The following PICALM variants were observed in gnomAD, a reference collection of about 807,000 sequenced individuals.
The protein encoded by PICALM is phosphatidylinositol-binding clathrin assembly protein.
PICALM carries 40 observed loss-of-function variants against 80.5 expected under a neutral mutation model. That is an observed-to-expected ratio of 0.50 (90% confidence interval 0.39 to 0.65). The LOEUF (loss-of-function observed/expected upper bound fraction) is 0.65, where lower values mean the gene tolerates loss of function less well. Ranked by LOEUF, PICALM falls within the 30% of genes least tolerant of loss-of-function variation. PICALM has a pLI of 0.00. For missense variants in PICALM, 676 were observed against 778.9 expected, an observed-to-expected ratio of 0.87 and a Z score of 1.57; for synonymous variants, 288 against 260.3, an observed-to-expected ratio of 1.11 and a Z score of -1.02.
intron 1 of PICALM, among the ~76,000 whole-genome samples, chr11:86,058,747 T>C (rs1254091630): frequency 2.0e-5 from 3 of 152,208 alleles, no homozygotes; most frequent in African/African-American, 7.2e-5. Context: ...TATCCCTTCT[T>C]ATATCAAAAA....
At chr11:86,045,829 T>C (rs901568228) in intron 1 of PICALM, among the ~76,000 whole-genome samples, 1 of 152,148 alleles carries the variant, frequency 6.6e-6, no homozygotes, top group African/African-American at 2.4e-5. Context: ...TTTAATCATC[T>C]TTCTCCCATC....
chr11:86,028,789 T>TAAA (rs2095695683), intron 2 of PICALM, among the ~76,000 whole-genome samples: 1 of 152,100 alleles, frequency 6.6e-6, no homozygotes, highest in Admixed American at 6.6e-5. Context: ...CTGAATCAGG[T>TAAA]AATTCTTTGT....
At chr11:86,000,099 T>G (rs539514863) in intron 11 of PICALM, among the ~76,000 whole-genome samples, 1 of 152,370 alleles carries the variant, frequency 6.6e-6, no homozygotes, top group East Asian at 1.9e-4. Context: ...ATTGTTTTAC[T>G]TTACCTGGCA....
intron 1 of PICALM, among the ~76,000 whole-genome samples, chr11:86,048,028 G>A (rs1421656378): frequency 6.6e-6 from 1 of 152,020 alleles, no homozygotes; most frequent in Non-Finnish European, 1.5e-5. Flanking sequence ...CTGAACTCGG[G>A]AGGCAGAGGC....
At chr11:86,061,807 T>A (rs547105349) in intron 1 of PICALM, among the ~76,000 whole-genome samples, 2 of 152,200 alleles carry the variant, frequency 1.3e-5, no homozygotes, top group Non-Finnish European at 2.9e-5. Flanking sequence ...ACACAGATGT[T>A]TGATGTTTAT....
intron 7 of PICALM, among the ~76,000 whole-genome samples, chr11:86,010,771 C>A (rs1446131463): frequency 6.6e-6 from 1 of 152,156 alleles, no homozygotes; most frequent in East Asian, 1.9e-4. Flanking sequence ...CTGTATGTCA[C>A]CTACTTAATT....
intron 19 of PICALM, among the ~76,000 whole-genome samples, chr11:85,973,851 T>G (rs1179813679): frequency 6.6e-6 from 1 of 152,152 alleles, no homozygotes; most frequent in Non-Finnish European, 1.5e-5. Flanking sequence ...AGCAACCATT[T>G]AAGAAAAGGA....
At chr11:86,024,786 T>A (rs2095623919) in intron 3 of PICALM, among the ~76,000 whole-genome samples, 1 of 152,216 alleles carries the variant, frequency 6.6e-6, no homozygotes, top group Non-Finnish European at 1.5e-5. Flanking sequence ...CATATCCATG[T>A]GAATGACTTT....
intron 5 of PICALM, among the ~76,000 whole-genome samples, chr11:86,013,554 T>A (rs558217401): frequency 6.6e-6 from 1 of 152,214 alleles, no homozygotes; most frequent in African/African-American, 2.4e-5. Context: ...AGTGTAGCAC[T>A]GTTTAGGATA....
chr11:86,025,870 G>A (rs1030258476), intron 3 of PICALM, among the ~76,000 whole-genome samples: 5 of 152,134 alleles, frequency 3.3e-5, no homozygotes, highest in African/African-American at 4.8e-5. Context: ...TACATAGCAT[G>A]TCTTGTGTGC....
At position 85,981,903 on chromosome 11, in the gene PICALM, G is replaced by A. The variant is rs757406609; in HGVS notation, c.1617C>T (p.Asp539=). The A allele has an allele frequency of 6.2e-7, 1 of 1,613,544 alleles. No homozygotes were observed. The highest frequency in any genetic ancestry group is 8.5e-7 in the Non-Finnish European group (1 of 1,179,432). ...CAAGGTTGGCTAAAGATGAATCCAA[G>A]TCATCAGATACTAACTTGCTAGGTG... is the stretch of plus-strand genomic sequence containing the variant. ...KLPPSKLVSD[D]LDSSLANLVG... is the part of the protein sequence containing the mutation. Residue 539 remains aspartate (D), a synonymous_variant, in exon 15 of 20, where the codon GAC becomes GAT. Transcript: ENST00000393346.
intron 8 of PICALM, among the ~76,000 whole-genome samples, chr11:86,006,229 A>C (rs2095273933): frequency 6.6e-6 from 1 of 152,242 alleles, no homozygotes; most frequent in Admixed American, 6.5e-5. Flanking sequence ...CATATACAGG[A>C]TTCTTTACTT....
At chr11:85,999,192 CTG>C (rs1248281919) in intron 11 of PICALM, among the ~76,000 whole-genome samples, 3 of 152,124 alleles carry the variant, frequency 2.0e-5, no homozygotes, top group Non-Finnish European at 4.4e-5. Context: ...TTCCTTCTAA[CTG>C]TATTTTTATA....
At chr11:86,008,811 C>T (rs911214014) in intron 7 of PICALM, among the ~76,000 whole-genome samples, 4 of 151,760 alleles carry the variant, frequency 2.6e-5, no homozygotes, top group Non-Finnish European at 5.9e-5. Flanking sequence ...GGGACTCTGG[C>T]CGGGCGCGGT....
At chr11:86,047,883 T>C (rs934794290) in intron 1 of PICALM, among the ~76,000 whole-genome samples, 1 of 151,894 alleles carries the variant, frequency 6.6e-6, no homozygotes, top group Non-Finnish European at 1.5e-5. Context: ...GCAGATCACC[T>C]GAGGTCAGGA....
chr11:86,023,681 T>C (rs762916517), intron 3 of PICALM: 85 of 456,930 alleles, frequency 1.9e-4, no homozygotes, highest in Non-Finnish European at 2.2e-4. Context: ...AGAGCACTGC[T>C]CTGCATCTTG....
intron 1 of PICALM, among the ~76,000 whole-genome samples, chr11:86,033,076 T>C (rs1235314275): frequency 6.6e-6 from 1 of 152,102 alleles, no homozygotes; most frequent in Admixed American, 6.6e-5. Flanking sequence ...AAACAGTAAA[T>C]CCAACTTGGA....
intron 3 of PICALM, among the ~76,000 whole-genome samples, chr11:86,024,417 TAA>T (rs780499259): frequency 3.0e-5 from 4 of 133,070 alleles, no homozygotes; most frequent in Non-Finnish European, 4.8e-5. Context: ...CCAGTCACAT[TAA>T]AAAAAAAAAA....
At chr11:86,032,477 T>A (rs1202191413) in intron 1 of PICALM, among the ~76,000 whole-genome samples, 1 of 151,918 alleles carries the variant, frequency 6.6e-6, no homozygotes, top group Non-Finnish European at 1.5e-5. Context: ...ACCAAAAACA[T>A]TAGCTGGGCT....
Sources: gnomAD v4.1 joint callset for allele counts (sites outside exome capture counted in the v4.1 genomes callset) on GRCh38, gnomAD v4.1.1 for gene constraint, MANE v1.5 for transcripts, NCBI Gene and HGNC (gene_info 2026-07-23, HGNC 2026-07-21) for gene names.